The following PCDHGA4 variants were observed in gnomAD, a reference collection of about 807,000 sequenced individuals.
The protein encoded by PCDHGA4 is protocadherin gamma subfamily A, 4.
PCDHGA4 carries 38 observed loss-of-function variants against 54.6 expected under a neutral mutation model. The observed-to-expected ratio is 0.70, with a 90% confidence interval of 0.54 to 0.91. The LOEUF (loss-of-function observed/expected upper bound fraction) is 0.91. PCDHGA4 is among the 40% of genes least tolerant of loss of function. PCDHGA4 has a pLI of 0.00. For missense variants in PCDHGA4, 1,298 were observed against 1,220.9 expected, an observed-to-expected ratio of 1.06 and a Z score of -0.94; for synonymous variants, 511 against 512.9, an observed-to-expected ratio of 1.00 and a Z score of 0.05.
chr5:141,375,495 T>A, intron 1 of PCDHGA4: 1 of 1,613,918 alleles, frequency 6.2e-7, no homozygotes, highest in Admixed American at 1.7e-5. Flanking sequence ...GGTGCCTCCA[T>A]CTTCTCTGTG....
At chr5:141,470,022 G>C (rs892106953) in intron 1 of PCDHGA4, among the ~76,000 whole-genome samples, 2 of 152,070 alleles carry the variant, frequency 1.3e-5, no homozygotes, top group African/African-American at 4.8e-5. Context: ...CCAGCTACTC[G>C]GGATGCTGAG....
intron 1 of PCDHGA4, chr5:141,371,115 G>A (rs757942462): frequency 1.2e-6 from 2 of 1,613,784 alleles, no homozygotes; most frequent in African/African-American, 1.3e-5. Context: ...TAACCCCCCA[G>A]TATTTACTCA....
intron 1 of PCDHGA4, chr5:141,422,368 G>A: frequency 1.9e-6 from 3 of 1,565,294 alleles, no homozygotes; most frequent in Non-Finnish European, 2.6e-6. Context: ...TGGAGAAAAT[G>A]GTCAAGTCTC....
In PCDHGA4 at chr5:141,393,718, C is replaced by G. The variant is rs185464441; in HGVS notation, c.2514+36097C>G. Reference sequence around the variant, plus strand: ...CTTAATGAAAATACTGGGGAAATATCAATAGCAAAAAGTCTAGATTATGAA... The same window carrying G: ...CTTAATGAAAATACTGGGGAAATATGAATAGCAAAAAGTCTAGATTATGAA... On this transcript the variant is annotated intron_variant, in intron 1 of 3. Transcript: ENST00000571252. 1.4e-4 allele frequency: 220 copies of G among 1,613,644 alleles called. 1 individual carries two copies. Among genetic ancestry groups the G allele is most frequent in the Non-Finnish European group, 1.8e-4 (214 of 1,179,840 alleles).
At chr5:141,421,633 G>A (rs1369645749) in intron 1 of PCDHGA4, 3 of 1,613,834 alleles carry the variant, frequency 1.9e-6, no homozygotes, top group Non-Finnish European at 2.5e-6. Context: ...CAGCTTCCAG[G>A]AGGACGAAGT....
At chr5:141,459,442 A>G (rs2098968073) in intron 1 of PCDHGA4, among the ~76,000 whole-genome samples, 1 of 152,198 alleles carries the variant, frequency 6.6e-6, no homozygotes, top group South Asian at 2.1e-4. Context: ...CATTCATTCA[A>G]CTGTTGGTGG....
In PCDHGA4 at chr5:141,432,856, G is replaced by C; in HGVS notation, c.2515-61951G>C. 1 of 1,614,142 alleles carries C rather than the reference G, an allele frequency of 6.2e-7. No homozygotes were observed. The highest frequency in any genetic ancestry group is 1.7e-5 in the Admixed American group (1 of 60,030). On this transcript the variant is annotated intron_variant, in intron 1 of 3. Coordinates refer to ENST00000571252, the MANE Select transcript of PCDHGA4 (RefSeq NM_018917.4). This position sits in a 1 kb window ranked among gnomAD's most constrained non-coding sequence, Gnocchi z 6.0. Reference sequence around the variant, plus strand: ...TGTACCTGGTGGTAGCGGTGGCCGCGGTCTCCTGCGTCTTCCTGGCCTTCG... The same window carrying C: ...TGTACCTGGTGGTAGCGGTGGCCGCCGTCTCCTGCGTCTTCCTGGCCTTCG...
At chr5:141,409,792 C>T in intron 1 of PCDHGA4, 1 of 1,612,068 alleles carries the variant, frequency 6.2e-7, no homozygotes, top group African/African-American at 1.3e-5. Flanking sequence ...CCTTCGCGCT[C>T]ACGCTGCAGG....
intron 1 of PCDHGA4, chr5:141,388,688 C>T: frequency 6.2e-7 from 1 of 1,613,970 alleles, no homozygotes; most frequent in Non-Finnish European, 8.5e-7. Context: ...CTGCCACGGA[C>T]CAGGATGAGG....
Position 141,375,159 on chromosome 5 carries a change from G to A in PCDHGA4, c.2514+17538G>A, listed in dbSNP as rs1771191060. 2.5e-6 allele frequency: 4 copies of A among 1,613,862 alleles called. No individual in the cohort carries two copies. The East Asian group carries it at 8.9e-5, about 36-fold the overall frequency. ...TCTGGAAGCAGAACAATTGCTGAAA[G>A]TGCACCTCCAGGAACAGTAATCGCC... On this transcript the variant is annotated intron_variant, in intron 1 of 3. Coordinates refer to ENST00000571252, the MANE Select transcript of PCDHGA4 (RefSeq NM_018917.4).
At chr5:141,379,728 G>A (rs1775778672) in intron 1 of PCDHGA4, 1 of 152,020 alleles carries the variant, frequency 6.6e-6, no homozygotes, top group African/African-American at 2.4e-5. Flanking sequence ...AATTTGCTAA[G>A]TTATGGCTAA....
At chr5:141,399,350 G>T (rs746925566) in intron 1 of PCDHGA4, 2 of 1,613,964 alleles carry the variant, frequency 1.2e-6, no homozygotes, top group East Asian at 2.2e-5. Flanking sequence ...ACCCTAGACC[G>T]AGAGCAAACC....
rs376209053 is a variant in PCDHGA4, at chr5:141,410,666, T to A, written c.2514+53045T>A. On this transcript the variant is annotated intron_variant, in intron 1 of 3. Transcript: ENST00000571252. ...TGTGATTTATCTAATAGTCTACTAG[T>A]TTCTCATATTTTAGGCATACTACTT... is the stretch of plus-strand genomic sequence containing the variant. 2.6e-6 allele frequency: 4 copies of A among 1,565,890 alleles called. No homozygotes were observed. In the African/African-American group the frequency reaches 5.5e-5, roughly 21 times the overall value.
chr5:141,364,207 C>A, intron 1 of PCDHGA4: 1 of 1,184,312 alleles, frequency 8.4e-7, no homozygotes, highest in Non-Finnish European at 1.2e-6. Context: ...ACCAGACAAG[C>A]TCCTACGAAA....
rs375127524 is a variant in PCDHGA4 at position 141,490,702 on chromosome 5, C to T, written c.2515-4105C>T. ...AGATCCAGACACTGGGGATAATGCC[C>T]GCCTCACCTACTCCATTGTAGGAAA... On this transcript the variant is annotated intron_variant, in intron 1 of 3. Coordinates refer to ENST00000571252, the MANE Select transcript of PCDHGA4 (RefSeq NM_018917.4). The surrounding 1 kb of genome is among the most constrained non-coding windows in gnomAD (Gnocchi z 5.4). 36 of 1,614,060 alleles carry T rather than the reference C, an allele frequency of 2.2e-5. No homozygotes were observed. Among genetic ancestry groups the T allele is most frequent in the South Asian group, 7.7e-5 (7 of 91,090 alleles).
At chr5:141,392,847 G>A (rs759327251) in intron 1 of PCDHGA4, 2 of 1,610,450 alleles carry the variant, frequency 1.2e-6, no homozygotes, top group Non-Finnish European at 1.7e-6. Context: ...CAGACGCGGC[G>A]AGCTGATCCT....
In PCDHGA4 at chr5:141,357,582, T is replaced by C. The variant is rs748611529; in HGVS notation, c.2475T>C (p.Thr825=). ...SCEKSEPLLI[T]QDLLETKGDP... is the part of the protein sequence containing the mutation. ...AGAAAAGCGAGCCTCTTCTGATAAC[T>C]CAGGATTTACTTGAAACAAAAGGAG... The change falls in exon 1 of 4, where the codon ACT becomes ACC. Residue 825 remains threonine, a synonymous_variant. Transcript: ENST00000571252. 6.2e-7 allele frequency: 1 copy of C among 1,614,204 alleles called. No individual in the cohort carries two copies. Among genetic ancestry groups the C allele is most frequent in the Admixed American group, 1.7e-5 (1 of 60,032 alleles).
chr5:141,509,979 T>C (rs908103989), intron 3 of PCDHGA4, among the ~76,000 whole-genome samples: 4 of 152,204 alleles, frequency 2.6e-5, no homozygotes, highest in African/African-American at 7.2e-5. Context: ...CTTCTAACAC[T>C]TGGTTCCCTC....
chr5:141,415,128 G>C (rs376477668), intron 1 of PCDHGA4: 33 of 1,613,528 alleles, frequency 2.0e-5, no homozygotes, highest in Admixed American at 5.0e-5. Context: ...TGGCCGTCCA[G>C]GACCACGGCC....
Sources: gnomAD v4.1 joint callset for allele counts (sites outside exome capture counted in the v4.1 genomes callset) on GRCh38, gnomAD v4.1.1 for gene constraint, Gnocchi (gnomAD v3.1) non-coding constraint, MANE v1.5 for transcripts, NCBI Gene and HGNC (gene_info 2026-07-23, HGNC 2026-07-21) for gene names.